Variants in FILIP1L observed in about 807,000 individuals in gnomAD.
FILIP1L encodes filamin A interacting protein 1 like.
A neutral mutation model predicts 96.6 loss-of-function variants in FILIP1L; 55 were observed. The ratio of observed to expected loss-of-function variants is 0.57; its 90% CI spans 0.46 to 0.71. The LOEUF is 0.71. FILIP1L is among the 30% of genes least tolerant of loss of function. The pLI is 0.00. For missense variants in FILIP1L, 1,304 were observed against 1,321.2 expected, an observed-to-expected ratio of 0.99 and a Z score of 0.20; for synonymous variants, 467 against 473.9, an observed-to-expected ratio of 0.99 and a Z score of 0.19.
At chr3:100,084,377 A>G (rs1288121697) in intron 1 of FILIP1L, among the ~76,000 whole-genome samples, 1 of 152,206 alleles carries the variant, frequency 6.6e-6, no homozygotes, top group Non-Finnish European at 1.5e-5. Flanking sequence ...AAACTAGTTA[A>G]TTTGGACCTA....
intron 1 of FILIP1L, among the ~76,000 whole-genome samples, chr3:99,989,168 T>A (rs936995945): frequency 1.3e-5 from 2 of 152,216 alleles, no homozygotes; most frequent in Non-Finnish European, 2.9e-5. Flanking sequence ...GGTATTATAA[T>A]TTTCTTGGAG....
chr3:99,993,439 T>A (rs1709582571), intron 1 of FILIP1L, among the ~76,000 whole-genome samples: 2 of 152,060 alleles, frequency 1.3e-5, no homozygotes, highest in African/African-American at 4.8e-5. Context: ...AAAATTTGTC[T>A]TCCTCTTTTC....
At chr3:99,965,925 C>T (rs1708637389) in intron 1 of FILIP1L, among the ~76,000 whole-genome samples, 2 of 152,116 alleles carry the variant, frequency 1.3e-5, no homozygotes, top group South Asian at 4.1e-4. Flanking sequence ...GGCAGTTCTC[C>T]TGTCCCGCCT....
intron 3 of FILIP1L, among the ~76,000 whole-genome samples, chr3:99,924,817 CG>C (rs1176370836): frequency 2.6e-5 from 4 of 152,098 alleles, no homozygotes; most frequent in Non-Finnish European, 4.4e-5. Flanking sequence ...CCACGGCGCC[CG>C]GCCAGCAGTG....
intron 1 of FILIP1L, among the ~76,000 whole-genome samples, chr3:99,975,594 A>C (rs920628258): frequency 2.0e-5 from 3 of 152,168 alleles, no homozygotes; most frequent in African/African-American, 7.2e-5. Context: ...TCAAAAAAAA[A>C]AAAAATTGAT....
chr3:100,036,266 G>GA (rs1036404204), intron 1 of FILIP1L, among the ~76,000 whole-genome samples: 1 of 152,112 alleles, frequency 6.6e-6, no homozygotes, highest in African/African-American at 2.4e-5. Flanking sequence ...CCACTAAGAG[G>GA]AACAAAGCCT....
chr3:99,842,082 T>C (rs1457112234), intron 5 of FILIP1L, among the ~76,000 whole-genome samples: 1 of 152,116 alleles, frequency 6.6e-6, no homozygotes, highest in Non-Finnish European at 1.5e-5. Flanking sequence ...TGGAACCAGC[T>C]CAAATGTCCA....
At chr3:100,031,906 A>G (rs926436811) in intron 1 of FILIP1L, among the ~76,000 whole-genome samples, 1 of 152,204 alleles carries the variant, frequency 6.6e-6, no homozygotes. Flanking sequence ...CAATACATAA[A>G]TTAATGAGCA....
At chr3:99,920,424 T>A (rs1230115904) in intron 4 of FILIP1L, among the ~76,000 whole-genome samples, 1 of 152,204 alleles carries the variant, frequency 6.6e-6, no homozygotes, top group Non-Finnish European at 1.5e-5. Flanking sequence ...GGCCAAAAAT[T>A]ATTGGCATTG....
intron 4 of FILIP1L, among the ~76,000 whole-genome samples, chr3:99,915,945 T>C (rs1034342193): frequency 1.3e-5 from 2 of 152,224 alleles, no homozygotes; most frequent in Non-Finnish European, 1.5e-5. Flanking sequence ...AAAATATACC[T>C]ATTGGTATCA....
At chr3:100,100,245 A>G (rs1267926279) in intron 1 of FILIP1L, among the ~76,000 whole-genome samples, 3 of 152,284 alleles carry the variant, frequency 2.0e-5, no homozygotes, top group African/African-American at 7.2e-5. Flanking sequence ...TCCTGAGGAA[A>G]GGGTTGGACA....
chr3:99,996,281 A>G (rs949950875), intron 1 of FILIP1L, among the ~76,000 whole-genome samples: 1 of 152,146 alleles, frequency 6.6e-6, no homozygotes, highest in African/African-American at 2.4e-5. Context: ...AAAACATAAC[A>G]AGAGTCACCT....
chr3:100,059,277 G>A (rs890717602), intron 1 of FILIP1L, among the ~76,000 whole-genome samples: 5 of 152,096 alleles, frequency 3.3e-5, no homozygotes, highest in African/African-American at 4.8e-5. Context: ...TCCTTAAAGG[G>A]CTTTATAAAT....
At chr3:99,893,104 G>A (rs1210845037) in intron 4 of FILIP1L, among the ~76,000 whole-genome samples, 1 of 150,578 alleles carries the variant, frequency 6.6e-6, no homozygotes, top group African/African-American at 2.4e-5. Flanking sequence ...GGGATTTTTA[G>A]AAGACACCTT....
rs552289321 is a variant in FILIP1L at position 99,828,952 on chromosome 3, A to G, written c.*1462T>C. Among the ~76,000 whole-genome samples, 25 of 151,558 alleles carry G rather than the reference A, an allele frequency of 1.6e-4. No individual in the cohort carries two copies. The South Asian group carries it at 2.7e-3, about 16-fold the overall frequency. On this transcript the variant is annotated 3_prime_UTR_variant, in exon 6 of 6. Coordinates refer to ENST00000477258, the MANE Select transcript of FILIP1L (RefSeq NM_001387850.1). ...TCAATGCTGCCCATCATCCCTCTCA[A>G]TGCTGCCCATCATCCCTTTCAATGC...
chr3:100,010,887 A>G (rs1387537834), intron 1 of FILIP1L, among the ~76,000 whole-genome samples: 1 of 146,612 alleles, frequency 6.8e-6, no homozygotes, highest in Non-Finnish European at 1.5e-5. Context: ...TCAGCCTCCC[A>G]AAGTGCTGGG....
intron 5 of FILIP1L, among the ~76,000 whole-genome samples, chr3:99,840,175 GA>G (rs1943068854): frequency 6.9e-6 from 1 of 145,550 alleles, no homozygotes; most frequent in African/African-American, 2.5e-5. Flanking sequence ...ATAATGGGGA[GA>G]AAAAGCTGAT....
chr3:99,855,099 T>G (rs889925763), intron 4 of FILIP1L, among the ~76,000 whole-genome samples: 30 of 152,220 alleles, frequency 2.0e-4, no homozygotes, highest in African/African-American at 6.8e-4. Context: ...GGATACTGTT[T>G]GAATATTAAC....
chr3:99,890,234 CATCT>C (rs1484223846), intron 4 of FILIP1L, among the ~76,000 whole-genome samples: 6 of 152,158 alleles, frequency 3.9e-5, no homozygotes, highest in Admixed American at 1.3e-4. Flanking sequence ...GTTGAAAAAT[CATCT>C]ATCTAATTGT....
Sources: allele counts gnomAD v4.1 joint callset (sites outside exome capture counted in the v4.1 genomes callset), GRCh38; gene constraint gnomAD v4.1.1; transcripts MANE v1.5; gene names NCBI Gene and HGNC (gene_info 2026-07-23, HGNC 2026-07-21).